SLC16A10: variants seen among roughly 807,000 people sequenced by gnomAD.
The protein encoded by SLC16A10 is solute carrier family 16 member 10, also known as monocarboxylate transporter 10.
SLC16A10 carries 27 observed loss-of-function variants against 40.0 expected under a neutral mutation model. The ratio of observed to expected loss-of-function variants is 0.67; its 90% CI spans 0.50 to 0.93. The LOEUF (loss-of-function observed/expected upper bound fraction) is 0.93. SLC16A10 is among the 40% of genes least tolerant of loss of function. The pLI is 0.00. For missense variants in SLC16A10, 529 were observed against 658.2 expected, an observed-to-expected ratio of 0.80 and a Z score of 2.15; for synonymous variants, 213 against 249.8, an observed-to-expected ratio of 0.85 and a Z score of 1.39.
chr6:111,204,753 C>A (rs1388535972), intron 3 of SLC16A10, among the ~76,000 whole-genome samples: 1 of 152,074 alleles, frequency 6.6e-6, no homozygotes, highest in Non-Finnish European at 1.5e-5. Flanking sequence ...GCCAACATTT[C>A]CACACAAAAT....
At chr6:111,217,640 C>G (rs957893457) in intron 4 of SLC16A10, among the ~76,000 whole-genome samples, 1 of 151,964 alleles carries the variant, frequency 6.6e-6, no homozygotes, top group Non-Finnish European at 1.5e-5. Context: ...TTAGTAAAGA[C>G]GGGGTTTCAC....
At chr6:111,128,478 G>A (rs73530904) in intron 1 of SLC16A10, among the ~76,000 whole-genome samples, 1,846 of 152,286 alleles carry the variant, frequency 0.012, 26 homozygotes, top group African/African-American at 0.043. Context: ...AGAAGAGGGA[G>A]CGGTGCTCTT....
At chr6:111,190,176 T>G (rs1476478707) in intron 3 of SLC16A10, among the ~76,000 whole-genome samples, 2 of 152,242 alleles carry the variant, frequency 1.3e-5, no homozygotes, top group East Asian at 3.8e-4. Context: ...CATGCAAGTC[T>G]GAAATCCAAT....
intron 1 of SLC16A10, among the ~76,000 whole-genome samples, chr6:111,139,157 T>C: frequency 6.6e-6 from 1 of 150,504 alleles, no homozygotes; most frequent in Non-Finnish European, 1.5e-5. Flanking sequence ...CATACCTGTA[T>C]AGTTTGAAGA....
At chr6:111,221,285 T>C (rs987997177) in intron 5 of SLC16A10, among the ~76,000 whole-genome samples, 1 of 152,200 alleles carries the variant, frequency 6.6e-6, no homozygotes, top group Non-Finnish European at 1.5e-5. Flanking sequence ...TTAATAATTC[T>C]TATATACTTA....
chr6:111,185,685 C>G (rs1370636386), intron 3 of SLC16A10, among the ~76,000 whole-genome samples: 3 of 151,966 alleles, frequency 2.0e-5, no homozygotes, highest in African/African-American at 7.2e-5. Flanking sequence ...AACAGAAGAA[C>G]AAAAATGGAC....
intron 2 of SLC16A10, chr6:111,173,543 C>T (rs1205435695): frequency 6.6e-6 from 1 of 152,132 alleles, no homozygotes; most frequent in Non-Finnish European, 1.5e-5. Flanking sequence ...AGCAAAGCTT[C>T]CTCTATATTT....
chr6:111,156,791 G>A (rs1236515251), intron 1 of SLC16A10, among the ~76,000 whole-genome samples: 1 of 152,214 alleles, frequency 6.6e-6, no homozygotes, highest in Non-Finnish European at 1.5e-5. Context: ...TTCATTAATT[G>A]TGACAAATGT....
intron 1 of SLC16A10, among the ~76,000 whole-genome samples, chr6:111,139,992 T>G (rs1034157938): frequency 2.6e-5 from 4 of 152,148 alleles, no homozygotes; most frequent in African/African-American, 7.2e-5. Context: ...AAACAGACAC[T>G]GGGATCTACT....
chr6:111,145,107 C>T (rs926616352), intron 1 of SLC16A10, among the ~76,000 whole-genome samples: 5 of 149,904 alleles, frequency 3.3e-5, no homozygotes, highest in Non-Finnish European at 7.4e-5. Flanking sequence ...GCTGAAATTA[C>T]AGGTGTGAGC....
At chr6:111,174,720 G>A (rs1185678888) in intron 2 of SLC16A10, among the ~76,000 whole-genome samples, 1 of 152,142 alleles carries the variant, frequency 6.6e-6, no homozygotes, top group South Asian at 2.1e-4. Context: ...AGTACTTGTG[G>A]CTCTACCACT....
At chr6:111,210,971 C>T (rs892076446) in intron 4 of SLC16A10, among the ~76,000 whole-genome samples, 4 of 150,666 alleles carry the variant, frequency 2.7e-5, no homozygotes, top group Non-Finnish European at 4.4e-5. Flanking sequence ...TGCAGTGAGC[C>T]GAGATCGCAC....
intron 1 of SLC16A10, among the ~76,000 whole-genome samples, chr6:111,144,616 T>C (rs984270703): frequency 5.3e-5 from 8 of 152,228 alleles, no homozygotes; most frequent in African/African-American, 1.9e-4. Context: ...TAACTTATAA[T>C]GGCAAACTAC....
At chr6:111,144,852 T>C (rs2114507574) in intron 1 of SLC16A10, among the ~76,000 whole-genome samples, 1 of 152,286 alleles carries the variant, frequency 6.6e-6, no homozygotes, top group African/African-American at 2.4e-5. Context: ...ATTCTTTCTT[T>C]CTTTTTTCCT....
intron 1 of SLC16A10, among the ~76,000 whole-genome samples, chr6:111,149,524 TC>T (rs1214282867): frequency 6.6e-6 from 1 of 152,224 alleles, no homozygotes; most frequent in Non-Finnish European, 1.5e-5. Flanking sequence ...TATGTTTTCT[TC>T]CTAAAATTAA....
intron 3 of SLC16A10, among the ~76,000 whole-genome samples, chr6:111,186,114 G>C (rs540278342): frequency 6.6e-6 from 1 of 152,238 alleles, no homozygotes; most frequent in African/African-American, 2.4e-5. Flanking sequence ...TGCCCAGGCT[G>C]GTCTCAAACT....
chr6:111,212,488 C>T (rs763660489), intron 4 of SLC16A10, among the ~76,000 whole-genome samples: 6 of 152,176 alleles, frequency 3.9e-5, no homozygotes, highest in Non-Finnish European at 8.8e-5. Flanking sequence ...GTGTTTTCAA[C>T]CTAATAATTC....
At chr6:111,177,713 A>AGTTTTTCTTTATT in intron 3 of SLC16A10, 48 bp downstream of exon 3, 1 of 1,445,490 alleles carries the variant, frequency 6.9e-7, no homozygotes, top group Non-Finnish European at 9.2e-7. Context: ...TTAATAAAGA[A>AGTTTTTCTTTATT]AAACTTCTTT....
rs1019070187 is a variant in SLC16A10, at chr6:111,204,127, T to A, written c.943-2465T>A. ...AGCAAGAAGCATGTTAGAAGACTGCTGTAGTGGTCCCGGTGAGGAGTGAAA... is the reference window on the plus strand; with the variant it reads ...AGCAAGAAGCATGTTAGAAGACTGCAGTAGTGGTCCCGGTGAGGAGTGAAA... On this transcript the variant is annotated intron_variant, in intron 3 of 5. Transcript: ENST00000368851. Among the ~76,000 whole-genome samples the A allele has an allele frequency of 1.1e-4, 17 of 152,122 alleles. 1 individual carries two copies. The highest frequency in any genetic ancestry group is 2.4e-5 in the African/African-American group (1 of 41,422).
Sources: allele counts gnomAD v4.1 joint callset (sites outside exome capture counted in the v4.1 genomes callset), GRCh38; gene constraint gnomAD v4.1.1; transcripts MANE v1.5; gene names NCBI Gene and HGNC (gene_info 2026-07-23, HGNC 2026-07-21).